Variants in SGCZ observed in about 807,000 individuals in gnomAD.
SGCZ encodes sarcoglycan zeta.
SGCZ carries 40 observed loss-of-function variants against 41.3 expected under a neutral mutation model. The ratio of observed to expected loss-of-function variants is 0.97; its 90% CI spans 0.75 to 1.26. SGCZ has a LOEUF of 1.26. SGCZ is among the 50% of genes most tolerant of loss of function. The pLI, the probability that SGCZ is intolerant of heterozygous loss-of-function variation, is 0.00. For synonymous variants in SGCZ, 206 were observed against 137.5 expected (o/e 1.50, Z -3.49); for missense variants, 552 against 369.8 (o/e 1.49, Z -4.04).
chr8:15,152,682 G>A (rs904074699), intron 1 of SGCZ, among the ~76,000 whole-genome samples: 29 of 152,164 alleles, frequency 1.9e-4, no homozygotes, highest in Non-Finnish European at 3.5e-4. Context: ...AAAAAACATG[G>A]TTAACTTACC....
chr8:15,028,328 T>A (rs1465272225), intron 1 of SGCZ, among the ~76,000 whole-genome samples: 1 of 151,966 alleles, frequency 6.6e-6, no homozygotes, highest in Non-Finnish European at 1.5e-5. Context: ...GAAGTTGAAG[T>A]CAGTTTCATA....
intron 2 of SGCZ, among the ~76,000 whole-genome samples, chr8:14,339,112 G>A (rs952871490): frequency 6.6e-6 from 1 of 151,906 alleles, no homozygotes; most frequent in Non-Finnish European, 1.5e-5. Flanking sequence ...TTTTTCTCCA[G>A]AGTGTTCTAT....
chr8:14,236,130 G>C (rs992160172), intron 4 of SGCZ, among the ~76,000 whole-genome samples: 2 of 152,286 alleles, frequency 1.3e-5, no homozygotes, highest in East Asian at 3.9e-4. Context: ...GTTTCCATAG[G>C]CCTATAGTTT....
chr8:15,066,930 C>A (rs1338809973), intron 1 of SGCZ, among the ~76,000 whole-genome samples: 1 of 152,134 alleles, frequency 6.6e-6, no homozygotes, highest in Admixed American at 6.5e-5. Flanking sequence ...AAAGTAATAC[C>A]TTTATACATA....
chr8:14,685,397 C>G (rs1055790234), intron 1 of SGCZ, among the ~76,000 whole-genome samples: 2 of 151,994 alleles, frequency 1.3e-5, no homozygotes, highest in African/African-American at 4.8e-5. Flanking sequence ...TAAAATATAT[C>G]TAAAAAATGA....
At chr8:14,567,015 C>T (rs1327906061) in intron 1 of SGCZ, among the ~76,000 whole-genome samples, 1 of 152,210 alleles carries the variant, frequency 6.6e-6, no homozygotes, top group Non-Finnish European at 1.5e-5. Context: ...ACCAGGTCCC[C>T]CAGCAGTGCC....
At chr8:14,568,553 G>C (rs951892415) in intron 1 of SGCZ, among the ~76,000 whole-genome samples, 11 of 149,844 alleles carry the variant, frequency 7.3e-5, no homozygotes, top group African/African-American at 2.7e-4. Context: ...TTTTGTGTTA[G>C]CTCACCATAG....
chr8:14,228,689 C>T (rs768226811), intron 4 of SGCZ, among the ~76,000 whole-genome samples: 6 of 151,938 alleles, frequency 3.9e-5, no homozygotes, highest in Admixed American at 3.3e-4. Flanking sequence ...AGCAGTGGGA[C>T]ACCTTTACAA....
At chr8:14,969,242 G>A (rs1207518177) in intron 1 of SGCZ, among the ~76,000 whole-genome samples, 1 of 151,676 alleles carries the variant, frequency 6.6e-6, no homozygotes, top group Non-Finnish European at 1.5e-5. Flanking sequence ...ATTATATTTG[G>A]GTGTCCACGA....
At chr8:14,775,294 C>A (rs1317211282) in intron 1 of SGCZ, among the ~76,000 whole-genome samples, 1 of 152,126 alleles carries the variant, frequency 6.6e-6, no homozygotes, top group Non-Finnish European at 1.5e-5. Flanking sequence ...CAGTAATCAG[C>A]TTCTCCTTCT....
At chr8:15,124,464 T>A (rs886207501) in intron 1 of SGCZ, among the ~76,000 whole-genome samples, 1 of 152,162 alleles carries the variant, frequency 6.6e-6, no homozygotes, top group Admixed American at 6.5e-5. Flanking sequence ...CTAATCAAGA[T>A]AGATCATGTT....
intron 1 of SGCZ, among the ~76,000 whole-genome samples, chr8:14,750,602 T>G (rs907653327): frequency 6.6e-5 from 10 of 152,278 alleles, no homozygotes; most frequent in African/African-American, 2.4e-4. Context: ...GATATGGTGT[T>G]TTTTTAAAGC....
At chr8:14,522,599 T>C (rs1191815599) in intron 2 of SGCZ, among the ~76,000 whole-genome samples, 2 of 151,886 alleles carry the variant, frequency 1.3e-5, no homozygotes, top group Non-Finnish European at 2.9e-5. Context: ...GAAACTTGTG[T>C]CTTCGCTCTC....
intron 1 of SGCZ, among the ~76,000 whole-genome samples, chr8:14,593,884 A>C (rs1057293465): frequency 7.9e-5 from 12 of 152,118 alleles, no homozygotes; most frequent in Non-Finnish European, 1.5e-4. Flanking sequence ...TTTAATATAC[A>C]AATGGCTAGG....
chr8:14,259,295 G>T (rs1737409621), intron 3 of SGCZ, among the ~76,000 whole-genome samples: 2 of 152,114 alleles, frequency 1.3e-5, no homozygotes, highest in Non-Finnish European at 2.9e-5. Flanking sequence ...AAAACACTAT[G>T]CAGAAGCTCT....
At chr8:14,577,474 T>C (rs1003814002) in intron 1 of SGCZ, among the ~76,000 whole-genome samples, 2 of 149,084 alleles carry the variant, frequency 1.3e-5, no homozygotes, top group African/African-American at 2.5e-5. Context: ...CTGCAACCTC[T>C]GCCTCCCAGA....
At chr8:14,913,273 T>A (rs991468307) in intron 1 of SGCZ, among the ~76,000 whole-genome samples, 1 of 152,104 alleles carries the variant, frequency 6.6e-6, no homozygotes, top group African/African-American at 2.4e-5. Flanking sequence ...TAAATGCAGA[T>A]AATGTGTAGA....
chr8:14,288,333 G>C (rs9657203), intron 3 of SGCZ, among the ~76,000 whole-genome samples: 8 of 152,096 alleles, frequency 5.3e-5, no homozygotes, highest in African/African-American at 1.9e-4. Context: ...TAAGTGGCAG[G>C]TAGTACATCA....
At chr8:14,259,896 T>G (rs1228737750) in intron 3 of SGCZ, among the ~76,000 whole-genome samples, 1 of 152,112 alleles carries the variant, frequency 6.6e-6, no homozygotes, top group Non-Finnish European at 1.5e-5. Context: ...GTAAATTACC[T>G]TGGGCAGTAT....
Sources: gnomAD v4.1 joint callset for allele counts (sites outside exome capture counted in the v4.1 genomes callset) on GRCh38, gnomAD v4.1.1 for gene constraint, MANE v1.5 for transcripts, NCBI Gene and HGNC (gene_info 2026-07-23, HGNC 2026-07-21) for gene names.